The following STK33 variants were observed in gnomAD, a reference collection of about 807,000 sequenced individuals.
STK33 encodes serine/threonine-protein kinase 33.
In STK33, 52 loss-of-function variants were observed where a neutral mutation model predicts 58.0. The observed-to-expected ratio is 0.90, with a 90% CI of 0.72 to 1.13. The LOEUF (loss-of-function observed/expected upper bound fraction) is 1.13, where lower values mean the gene tolerates loss of function less well. Among genes scored for constraint, STK33 ranks in the 50% most tolerant of loss-of-function variants. The pLI, the probability that STK33 is intolerant of heterozygous loss-of-function variation, is 0.00. For missense variants in STK33, 630 were observed against 604.2 expected (o/e 1.04, Z -0.45); for synonymous variants, 215 against 200.1 (o/e 1.07, Z -0.63).
chr11:8,455,039 C>T (rs887963001), intron 9 of STK33, among the ~76,000 whole-genome samples: 1 of 152,150 alleles, frequency 6.6e-6, no homozygotes, highest in African/African-American at 2.4e-5. Context: ...ACTCCCTCAC[C>T]TCTACCCATT....
intron 1 of STK33, among the ~76,000 whole-genome samples, chr11:8,589,736 G>A (rs937473264): frequency 6.6e-6 from 1 of 152,146 alleles, no homozygotes; most frequent in Admixed American, 6.5e-5. Context: ...AGATATGACA[G>A]AAAAGCAATA....
At chr11:8,536,246 T>C (rs1337081159) in intron 1 of STK33, among the ~76,000 whole-genome samples, 3 of 152,222 alleles carry the variant, frequency 2.0e-5, no homozygotes, top group Non-Finnish European at 4.4e-5. Flanking sequence ...ATGGACACCT[T>C]CAATATCCTG....
At chr11:8,479,517 G>A (rs557546423) in intron 2 of STK33, among the ~76,000 whole-genome samples, 1 of 151,542 alleles carries the variant, frequency 6.6e-6, no homozygotes, top group Admixed American at 6.6e-5. Flanking sequence ...CTTCCCTGTT[G>A]ATATCAGTCT....
At chr11:8,552,329 T>A (rs1317065153) in intron 1 of STK33, among the ~76,000 whole-genome samples, 2 of 152,160 alleles carry the variant, frequency 1.3e-5, no homozygotes, top group Non-Finnish European at 2.9e-5. Flanking sequence ...GGTATTCTTG[T>A]TTTTAAACAT....
At chr11:8,589,913 T>G (rs1299856490) in intron 1 of STK33, among the ~76,000 whole-genome samples, 2 of 152,186 alleles carry the variant, frequency 1.3e-5, no homozygotes, top group Admixed American at 6.5e-5. Context: ...AATATTTGCT[T>G]TCTTCCCAAT....
intron 14 of STK33, among the ~76,000 whole-genome samples, chr11:8,422,045 G>A (rs1941996490): frequency 6.6e-6 from 1 of 151,828 alleles, no homozygotes; most frequent in Admixed American, 6.6e-5. Flanking sequence ...CAGCAATGTT[G>A]GAAGAAAAAA....
At chr11:8,403,166 T>A (rs1421892981) in intron 15 of STK33, among the ~76,000 whole-genome samples, 1 of 152,168 alleles carries the variant, frequency 6.6e-6, no homozygotes, top group African/African-American at 2.4e-5. Flanking sequence ...AGAGAAGACC[T>A]CAAAATCACT....
intron 1 of STK33, among the ~76,000 whole-genome samples, chr11:8,518,826 C>T (rs897112745): frequency 2.6e-5 from 4 of 152,116 alleles, no homozygotes; most frequent in African/African-American, 4.8e-5. Context: ...TACAGGAGCA[C>T]CCAGATTCAT....
chr11:8,337,080 C>A, the STK33 span, among the ~76,000 whole-genome samples: 1 of 152,242 alleles, frequency 6.6e-6, no homozygotes, highest in South Asian at 2.1e-4. Context: ...GGTGTTTGAA[C>A]TTCTCTGAGC....
At chr11:8,357,823 C>A in the STK33 span, among the ~76,000 whole-genome samples, 1 of 152,220 alleles carries the variant, frequency 6.6e-6, no homozygotes, top group African/African-American at 2.4e-5. Flanking sequence ...GGGAGCTCTA[C>A]ATGGGGCCAC....
chr11:8,493,840 C>A (rs1385725956), intron 1 of STK33, among the ~76,000 whole-genome samples: 1 of 152,162 alleles, frequency 6.6e-6, no homozygotes, highest in Non-Finnish European at 1.5e-5. Context: ...GAACCAATGA[C>A]AAAAACCACA....
the STK33 span, among the ~76,000 whole-genome samples, chr11:8,340,460 C>G: frequency 6.6e-6 from 1 of 152,248 alleles, no homozygotes; most frequent in Non-Finnish European, 1.5e-5. Context: ...AACCCCTCCT[C>G]CATTGCATCA....
At chr11:8,554,833 T>C (rs1591771989) in intron 1 of STK33, among the ~76,000 whole-genome samples, 2 of 152,172 alleles carry the variant, frequency 1.3e-5, no homozygotes, top group East Asian at 3.8e-4. Flanking sequence ...CTACTCACAA[T>C]AGCCAAGATG....
the STK33 span, among the ~76,000 whole-genome samples, chr11:8,375,410 A>G: frequency 0.04 from 6,153 of 152,286 alleles, 358 homozygotes; most frequent in African/African-American, 0.13. Flanking sequence ...TGACAGAAAG[A>G]AACTTATTAT....
intron 14 of STK33, among the ~76,000 whole-genome samples, chr11:8,416,852 A>T (rs1295471268): frequency 6.6e-6 from 1 of 152,146 alleles, no homozygotes; most frequent in African/African-American, 2.4e-5. Flanking sequence ...TGTGATATCA[A>T]GCCTGGACTA....
chr11:8,545,084 T>G (rs1325985736), intron 1 of STK33, among the ~76,000 whole-genome samples: 4 of 152,198 alleles, frequency 2.6e-5, no homozygotes, highest in Non-Finnish European at 4.4e-5. Flanking sequence ...TAATAAAATC[T>G]TACAAATAGG....
At chr11:8,417,766 AC>A (rs909723671) in intron 14 of STK33, among the ~76,000 whole-genome samples, 2 of 152,196 alleles carry the variant, frequency 1.3e-5, no homozygotes, top group African/African-American at 4.8e-5. Flanking sequence ...GTCAATTTTC[AC>A]CTAATAGATA....
chr11:8,557,261 G>GAGGA (rs1388994575), intron 1 of STK33, among the ~76,000 whole-genome samples: 1 of 72,520 alleles, frequency 1.4e-5, no homozygotes. Context: ...GAAGGGAAGG[G>GAGGA]GAGGGGAGGG....
chr11:8,553,187 T>C (rs1313405569), intron 1 of STK33, among the ~76,000 whole-genome samples: 1 of 75,880 alleles, frequency 1.3e-5, no homozygotes, highest in East Asian at 3.7e-4. Flanking sequence ...TATATATATA[T>C]ATATATATAT....
Sources: allele counts gnomAD v4.1 joint callset (sites outside exome capture counted in the v4.1 genomes callset), GRCh38; gene constraint gnomAD v4.1.1; transcripts MANE v1.5; gene names NCBI Gene and HGNC (gene_info 2026-07-23, HGNC 2026-07-21).